Variants in LMO7 observed in about 807,000 individuals in gnomAD.
LMO7 encodes the protein LIM domain 7.
LMO7 carries 120 observed loss-of-function variants against 206.5 expected under a neutral mutation model. That is an observed-to-expected ratio of 0.58 (90% CI 0.50 to 0.68). The LOEUF (loss-of-function observed/expected upper bound fraction) is 0.68. Ranked by LOEUF, LMO7 falls within the 30% of genes least tolerant of loss-of-function variation. The pLI is 0.00. For synonymous variants in LMO7, 706 were observed against 681.5 expected (o/e 1.04, Z -0.56); for missense variants, 1,959 against 1,957.9 (o/e 1.00, Z -0.01).
At chr13:75,626,576 A>ATATTTTTTTTTTT (rs1566249065) in intron 2 of LMO7, among the ~76,000 whole-genome samples, 1 of 64,428 alleles carries the variant, frequency 1.6e-5, no homozygotes, top group Non-Finnish European at 3.5e-5. Flanking sequence ...TAACATATAT[A>ATATTTTTTTTTTT]TTATATATAT....
At position 75,781,912 on chromosome 13, in the gene LMO7, G is replaced by A. The variant is rs926828630; in HGVS notation, c.318-13489G>A. On this transcript the variant is annotated intron_variant, in intron 4 of 30. Coordinates refer to ENST00000377534, the MANE Select transcript of LMO7 (RefSeq NM_001306080.2). ...GCATTTTTTCATGTGTTTTTTGGCTGCATAAATATCTTCTTTTGAGAAGTG... is the reference window on the plus strand; with the variant it reads ...GCATTTTTTCATGTGTTTTTTGGCTACATAAATATCTTCTTTTGAGAAGTG... Among the ~76,000 whole-genome samples, 376 of 152,232 alleles carry A rather than the reference G, an allele frequency of 2.5e-3. 1 individual carries two copies. Among genetic ancestry groups the A allele is most frequent in the African/African-American group, 8.5e-3 (355 of 41,540 alleles).
upstream of LMO7, among the ~76,000 whole-genome samples, chr13:75,634,763 C>A (rs1333362628): frequency 6.6e-6 from 1 of 151,228 alleles, no homozygotes; most frequent in Non-Finnish European, 1.5e-5. Flanking sequence ...CAAACAAGAA[C>A]TTTGGGAGGC....
intron 1 of LMO7, among the ~76,000 whole-genome samples, chr13:75,656,933 C>T (rs1034913363): frequency 6.6e-6 from 1 of 152,174 alleles, no homozygotes. Flanking sequence ...AAACCCTAGC[C>T]CCCGGTACCG....
At chr13:75,792,560 G>A (rs1181869089) in intron 4 of LMO7, among the ~76,000 whole-genome samples, 2 of 152,150 alleles carry the variant, frequency 1.3e-5, no homozygotes, top group South Asian at 2.1e-4. Flanking sequence ...GGTTCATGGA[G>A]TGTGTGTGTG....
chr13:75,672,170 G>A (rs867690860), intron 1 of LMO7, among the ~76,000 whole-genome samples: 1 of 151,552 alleles, frequency 6.6e-6, no homozygotes, highest in Non-Finnish European at 1.5e-5. Context: ...GTGTCCCTTG[G>A]TTTTGTTACT....
intron 1 of LMO7, among the ~76,000 whole-genome samples, chr13:75,679,075 G>A (rs1485631813): frequency 6.6e-6 from 1 of 152,136 alleles, no homozygotes; most frequent in Non-Finnish European, 1.5e-5. Flanking sequence ...CCAGAGTCCA[G>A]AATTCATTGT....
intron 3 of LMO7, among the ~76,000 whole-genome samples, chr13:75,729,107 C>T (rs1239765057): frequency 4.0e-4 from 60 of 150,640 alleles, no homozygotes; most frequent in African/African-American, 9.5e-4. Context: ...CTTGGTGATG[C>T]GGGCTCTTTT....
Position 75,636,813 on chromosome 13 carries a change from G to A in LMO7, c.69+87G>A. The A allele has an allele frequency of 2.2e-6, 3 of 1,342,412 alleles. No homozygotes were observed. In the South Asian group the frequency reaches 3.8e-5, roughly 17 times the overall value. The allele number at this position is 1,342,412 out of a possible 1,614,324, so 83.2% of individuals were successfully genotyped here. ...AGGTGACTGCAGCCCCAGTCACTCT[G>A]CACTTTAGCCTCCTTCGGCGACCCA... On this transcript the variant is annotated intron_variant, in intron 1 of 30. Transcript: ENST00000377534.
At chr13:75,781,451 A>G (rs912594720) in intron 4 of LMO7, among the ~76,000 whole-genome samples, 1 of 151,634 alleles carries the variant, frequency 6.6e-6, no homozygotes, top group African/African-American at 2.4e-5. Context: ...TACAAAGGAC[A>G]TGAACTCATC....
intron 4 of LMO7, among the ~76,000 whole-genome samples, chr13:75,779,649 GTGCATGTGCA>G (rs770592012): frequency 2.0e-5 from 3 of 152,164 alleles, no homozygotes; most frequent in Non-Finnish European, 4.4e-5. Flanking sequence ...GTGCATGTGC[GTGCATGTGCA>G]TGCATTTGTG....
chr13:75,772,847 A>G (rs187351782), intron 4 of LMO7, among the ~76,000 whole-genome samples: 40 of 152,234 alleles, frequency 2.6e-4, no homozygotes, highest in African/African-American at 7.5e-4. Flanking sequence ...TCAAACTTCA[A>G]TGTGCATGGA....
At chr13:75,708,748 T>C (rs2042844380) in intron 1 of LMO7, among the ~76,000 whole-genome samples, 1 of 152,204 alleles carries the variant, frequency 6.6e-6, no homozygotes, top group African/African-American at 2.4e-5. Flanking sequence ...AATATGCCAT[T>C]CTCTTTGGGT....
intron 8 of LMO7, chr13:75,805,084 C>T: frequency 2.0e-6 from 2 of 1,014,946 alleles, no homozygotes; most frequent in Non-Finnish European, 2.4e-6. Context: ...ATCACCTATC[C>T]TAATTCTTGT....
At chr13:75,670,727 A>G (rs140640441) in intron 1 of LMO7, among the ~76,000 whole-genome samples, 1,541 of 152,340 alleles carry the variant, frequency 0.01, 33 homozygotes, top group African/African-American at 0.034. Flanking sequence ...GGCCTAGGAC[A>G]TTACTGTACA....
At chr13:75,852,114 T>C (rs548161944) in intron 27 of LMO7, among the ~76,000 whole-genome samples, 1 of 152,358 alleles carries the variant, frequency 6.6e-6, no homozygotes, top group African/African-American at 2.4e-5. Flanking sequence ...GTTGAAGATT[T>C]AAAGGATAAG....
intron 3 of LMO7, among the ~76,000 whole-genome samples, chr13:75,759,925 G>A (rs7991448): frequency 0.37 from 56,166 of 152,064 alleles, 10,830 homozygotes; most frequent in East Asian, 0.51. Context: ...AGCATTACCA[G>A]CTGCCTCAGT....
At chr13:75,792,586 T>C (rs1223853269) in intron 4 of LMO7, among the ~76,000 whole-genome samples, 1 of 152,214 alleles carries the variant, frequency 6.6e-6, no homozygotes, top group Non-Finnish European at 1.5e-5. Flanking sequence ...TGTGTTACTG[T>C]GAGCTTCCCC....
At chr13:75,707,603 A>G (rs1421210232) in intron 1 of LMO7, among the ~76,000 whole-genome samples, 2 of 152,104 alleles carry the variant, frequency 1.3e-5, no homozygotes, top group Non-Finnish European at 2.9e-5. Context: ...CATATTTAAG[A>G]CTTCTGATAC....
upstream of LMO7, among the ~76,000 whole-genome samples, chr13:75,635,373 G>A (rs2035646926): frequency 6.6e-6 from 1 of 152,148 alleles, no homozygotes; most frequent in Admixed American, 6.5e-5. Flanking sequence ...CCTTTGTGGA[G>A]ACCTGATTTG....
Sources: gnomAD v4.1 joint callset for allele counts (sites outside exome capture counted in the v4.1 genomes callset) on GRCh38, gnomAD v4.1.1 for gene constraint, MANE v1.5 for transcripts, NCBI Gene and HGNC (gene_info 2026-07-23, HGNC 2026-07-21) for gene names.